Variants in SLC35F3 observed in about 807,000 individuals in gnomAD.
SLC35F3 encodes the protein solute carrier family 35 member F3, also known as putative thiamine transporter SLC35F3.
In SLC35F3, 25 loss-of-function variants were observed where a neutral mutation model predicts 49.9. The observed-to-expected ratio is 0.50, with a 90% CI of 0.37 to 0.70. The LOEUF (loss-of-function observed/expected upper bound fraction) is 0.70. Among genes scored for constraint, SLC35F3 ranks in the 30% least tolerant of loss-of-function variants. The pLI is 0.00. For missense variants in SLC35F3, 525 were observed against 639.8 expected (o/e 0.82, Z 1.94); for synonymous variants, 275 against 265.4 (o/e 1.04, Z -0.35).
chr1:234,141,345 C>G (rs559070248), intron 2 of SLC35F3, among the ~76,000 whole-genome samples: 1 of 152,306 alleles, frequency 6.6e-6, no homozygotes, highest in East Asian at 1.9e-4. Flanking sequence ...CTGCCCCTCA[C>G]AGGTCCTGCA....
intron 2 of SLC35F3, among the ~76,000 whole-genome samples, chr1:234,141,912 G>A (rs1665919244): frequency 6.6e-6 from 1 of 152,160 alleles, no homozygotes; most frequent in African/African-American, 2.4e-5. Flanking sequence ...TCCACTGAGA[G>A]CACCCAAAGT....
At chr1:233,973,156 C>T (rs1008643888) in intron 2 of SLC35F3, among the ~76,000 whole-genome samples, 1 of 152,248 alleles carries the variant, frequency 6.6e-6, no homozygotes, top group Non-Finnish European at 1.5e-5. Context: ...AGGCACATGG[C>T]TCCCATGTCC....
At chr1:233,924,775 T>C (rs1457985348) in intron 2 of SLC35F3, among the ~76,000 whole-genome samples, 1 of 152,242 alleles carries the variant, frequency 6.6e-6, no homozygotes, top group Non-Finnish European at 1.5e-5. Context: ...CATTTAGTGC[T>C]ATAAATTTCC....
At chr1:233,988,291 G>C (rs556681992) in intron 2 of SLC35F3, among the ~76,000 whole-genome samples, 1 of 152,178 alleles carries the variant, frequency 6.6e-6, no homozygotes, top group Non-Finnish European at 1.5e-5. Flanking sequence ...AAGGTATGAA[G>C]CTGGTTGCTA....
At chr1:234,091,549 GC>G (rs1219002435) in intron 2 of SLC35F3, among the ~76,000 whole-genome samples, 1 of 151,966 alleles carries the variant, frequency 6.6e-6, no homozygotes, top group Non-Finnish European at 1.5e-5. Flanking sequence ...TGCATTCTCT[GC>G]CCTGCTCAAA....
chr1:234,032,320 AT>A (rs1235888062), intron 2 of SLC35F3, among the ~76,000 whole-genome samples: 1 of 152,000 alleles, frequency 6.6e-6, no homozygotes, highest in Non-Finnish European at 1.5e-5. Flanking sequence ...CTATTCTTTC[AT>A]GAGCAACCTT....
intron 2 of SLC35F3, among the ~76,000 whole-genome samples, chr1:234,021,925 C>G (rs1041199036): frequency 2.6e-5 from 4 of 152,214 alleles, no homozygotes; most frequent in Non-Finnish European, 5.9e-5. Context: ...TGTATTGTGC[C>G]CAGCTTCCCA....
intron 2 of SLC35F3, among the ~76,000 whole-genome samples, chr1:233,965,971 T>C (rs1002986992): frequency 3.9e-5 from 6 of 152,308 alleles, no homozygotes; most frequent in Admixed American, 3.3e-4. Context: ...AAGTGACTTA[T>C]GGGTCTGTGA....
intron 2 of SLC35F3, among the ~76,000 whole-genome samples, chr1:233,906,181 T>A (rs542323267): frequency 6.6e-6 from 1 of 152,352 alleles, no homozygotes; most frequent in Non-Finnish European, 1.5e-5. Context: ...GCCAGGATTT[T>A]AACTCTTCCT....
intron 2 of SLC35F3, among the ~76,000 whole-genome samples, chr1:234,037,262 G>A (rs1291705791): frequency 6.6e-6 from 1 of 152,150 alleles, no homozygotes; most frequent in Admixed American, 6.5e-5. Context: ...AAGGAAGCAA[G>A]AGAGAGAGGG....
intron 2 of SLC35F3, among the ~76,000 whole-genome samples, chr1:234,048,582 C>A (rs926833879): frequency 3.3e-5 from 5 of 151,446 alleles, no homozygotes; most frequent in Non-Finnish European, 7.4e-5. Flanking sequence ...CTGCCTCTAC[C>A]TCATTTTCAA....
chr1:234,028,509 G>A (rs1245945259), intron 2 of SLC35F3, among the ~76,000 whole-genome samples: 5 of 152,196 alleles, frequency 3.3e-5, no homozygotes, highest in African/African-American at 1.2e-4. Context: ...GGGTGAAAGA[G>A]GATGTTTGCT....
intron 2 of SLC35F3, among the ~76,000 whole-genome samples, chr1:233,946,909 C>T (rs2102802353): frequency 6.6e-6 from 1 of 152,316 alleles, no homozygotes; most frequent in South Asian, 2.1e-4. Flanking sequence ...GAATGTCACT[C>T]ATCCCTTCTG....
chr1:234,120,961 T>G (rs79886043), intron 2 of SLC35F3, among the ~76,000 whole-genome samples: 3,372 of 152,258 alleles, frequency 0.022, 121 homozygotes, highest in African/African-American at 0.077. Context: ...TTTTTAGCAT[T>G]TGGTCTCTTT....
chr1:234,069,253 A>G (rs1391015144), intron 2 of SLC35F3, among the ~76,000 whole-genome samples: 1 of 116,470 alleles, frequency 8.6e-6, no homozygotes, highest in Admixed American at 9.6e-5. Flanking sequence ...TAATATATAT[A>G]TAAAATACAT....
At chr1:233,984,933 T>G (rs1290298304) in intron 2 of SLC35F3, among the ~76,000 whole-genome samples, 5 of 152,222 alleles carry the variant, frequency 3.3e-5, no homozygotes, top group Admixed American at 3.3e-4. Flanking sequence ...TCAAGTTGCT[T>G]ATTTATTTCT....
chr1:234,194,672 A>G (rs1218212702), intron 2 of SLC35F3, among the ~76,000 whole-genome samples: 1 of 152,068 alleles, frequency 6.6e-6, no homozygotes, highest in Non-Finnish European at 1.5e-5. Context: ...TGTCCCCAAG[A>G]CCCCTTAAAG....
At chr1:234,064,691 CATG>C (rs748446633) in intron 2 of SLC35F3, among the ~76,000 whole-genome samples, 4 of 152,118 alleles carry the variant, frequency 2.6e-5, no homozygotes, top group Non-Finnish European at 4.4e-5. Flanking sequence ...CAAGTTAAAA[CATG>C]ATAATTGTTT....
chr1:234,099,708 A>G (rs1343198463), intron 2 of SLC35F3, among the ~76,000 whole-genome samples: 1 of 152,234 alleles, frequency 6.6e-6, no homozygotes, highest in Non-Finnish European at 1.5e-5. Flanking sequence ...TTCTCTTCCA[A>G]CACAGCCACC....
Sources: gnomAD v4.1 joint callset for allele counts (sites outside exome capture counted in the v4.1 genomes callset) on GRCh38, gnomAD v4.1.1 for gene constraint, MANE v1.5 for transcripts, NCBI Gene and HGNC (gene_info 2026-07-23, HGNC 2026-07-21) for gene names.